Variants in STXBP5 observed in about 807,000 individuals in gnomAD.
STXBP5 encodes syntaxin binding protein 5.
A neutral mutation model predicts 152.4 loss-of-function variants in STXBP5; 50 were observed. The ratio of observed to expected loss-of-function variants is 0.33; its 90% CI spans 0.26 to 0.42. STXBP5 has a LOEUF of 0.42. STXBP5 is among the 10% of genes least tolerant of loss of function. STXBP5 has a pLI of 1.00. For synonymous variants in STXBP5, 492 were observed against 494.7 expected (o/e 0.99, Z 0.07); for missense variants, 1,167 against 1,388.6 (o/e 0.84, Z 2.54).
At chr6:147,274,606 CAT>C (rs940983295) in intron 7 of STXBP5, among the ~76,000 whole-genome samples, 1 of 151,992 alleles carries the variant, frequency 6.6e-6, no homozygotes, top group Non-Finnish European at 1.5e-5. Context: ...TGTAAGAAAT[CAT>C]ATGTGCTATA....
In STXBP5 at chr6:147,339,248, C is replaced by T. The variant is rs1274454058; in HGVS notation, c.2206+10C>T. On this transcript the variant is annotated intron_variant, in intron 20 of 27. Transcript: ENST00000321680. ...AATTTTATAGAAAAGGGTATAGTAT[C>T]TTGATTTTAAAGTATTTTCTTTTAT... The T allele has an allele frequency of 6.6e-7, 1 of 1,522,730 alleles. No individual in the cohort carries two copies. Among genetic ancestry groups the T allele is most frequent in the Non-Finnish European group, 8.8e-7 (1 of 1,135,476 alleles). The allele number at this position is 1,522,730 out of a possible 1,614,324, so 94.3% of individuals were successfully genotyped here. A position where few individuals can be genotyped will look rare whatever the true frequency, so the allele number is the denominator to read the frequency against.
intron 2 of STXBP5, among the ~76,000 whole-genome samples, chr6:147,227,694 G>T (rs1368906673): frequency 6.6e-6 from 1 of 151,962 alleles, no homozygotes; most frequent in Non-Finnish European, 1.5e-5. Flanking sequence ...TTCCATGTTT[G>T]TTTCCTTTTT....
intron 21 of STXBP5, among the ~76,000 whole-genome samples, chr6:147,352,554 T>C (rs914696092): frequency 2.0e-5 from 3 of 150,632 alleles, no homozygotes; most frequent in Non-Finnish European, 4.4e-5. Context: ...GAGGCTGCAG[T>C]GAACCGAGAT....
chr6:147,296,865 G>T (rs900825809), intron 9 of STXBP5, among the ~76,000 whole-genome samples: 1 of 151,988 alleles, frequency 6.6e-6, no homozygotes, highest in Admixed American at 6.6e-5. Context: ...TCAAGCAAAA[G>T]AAAGAATTTC....
chr6:147,218,483 GT>G (rs1031455582), intron 2 of STXBP5, among the ~76,000 whole-genome samples: 1 of 150,368 alleles, frequency 6.7e-6, no homozygotes, highest in Non-Finnish European at 1.5e-5. Flanking sequence ...ATGTTTTTTG[GT>G]TTTTTTTTCT....
At chr6:147,273,690 G>A (rs1329235450) in intron 7 of STXBP5, among the ~76,000 whole-genome samples, 3 of 152,128 alleles carry the variant, frequency 2.0e-5, no homozygotes, top group African/African-American at 7.2e-5. Context: ...GGTGGCTCAC[G>A]CCTGTAATCC....
chr6:147,337,977 G>A lies in STXBP5; in HGVS notation c.2147-1202G>A, dbSNP rs117859210. On this transcript the variant is annotated intron_variant, in intron 19 of 27. Transcript: ENST00000321680. ...GGACATTCACCACTTGACCAAGGGAGAGAAGTACAATTTTATTGGAGAGTG... is the reference window on the plus strand; with the variant it reads ...GGACATTCACCACTTGACCAAGGGAAAGAAGTACAATTTTATTGGAGAGTG... Among the ~76,000 whole-genome samples, 1,010 of 152,244 alleles carry A rather than the reference G, an allele frequency of 6.6e-3. 1 individual carries two copies. The highest frequency in any genetic ancestry group is 0.014 in the Middle Eastern group (4 of 294).
At chr6:147,380,645 GAA>G (rs372984184) in intron 26 of STXBP5, among the ~76,000 whole-genome samples, 2,533 of 145,494 alleles carry the variant, frequency 0.017, 61 homozygotes, top group African/African-American at 0.059. Flanking sequence ...GCAACCAAAG[GAA>G]AAAAAAAAGA....
intron 2 of STXBP5, among the ~76,000 whole-genome samples, chr6:147,213,102 G>C (rs1562411812): frequency 6.6e-6 from 1 of 152,132 alleles, no homozygotes; most frequent in East Asian, 1.9e-4. Context: ...TACTAAATTT[G>C]GTAATTGTAT....
chr6:147,347,642 C>T (rs961809178), intron 21 of STXBP5, among the ~76,000 whole-genome samples: 7 of 152,140 alleles, frequency 4.6e-5, no homozygotes, highest in Non-Finnish European at 7.4e-5. Context: ...CCTGATCTTT[C>T]GTAGCTGAGA....
chr6:147,264,748 A>G (rs1222421254), intron 6 of STXBP5, among the ~76,000 whole-genome samples: 2 of 152,110 alleles, frequency 1.3e-5, no homozygotes, highest in African/African-American at 4.8e-5. Flanking sequence ...AATTTTAATT[A>G]AGTACTCTAT....
rs1786392733 is a variant in STXBP5, at chr6:147,387,404, C to T, written c.*2649C>T. On this transcript the variant is annotated 3_prime_UTR_variant, in exon 28 of 28. Coordinates refer to ENST00000321680, the MANE Select transcript of STXBP5 (RefSeq NM_001127715.4). ...TCCTCATTGTTTTTGTTGCATTTGT[C>T]CTTGACTCTAAAATCACTGAAGTAT... is the stretch of plus-strand genomic sequence containing the variant. 2 of 151,338 alleles carry T rather than the reference C, an allele frequency of 1.3e-5. No individual in the cohort carries two copies. Among genetic ancestry groups the T allele is most frequent in the South Asian group, 4.2e-4 (2 of 4,816 alleles). 9.4% of individuals were successfully genotyped at this position (151,338 alleles called of 1,614,324 possible).
At chr6:147,285,062 A>G (rs563357784) in intron 8 of STXBP5, among the ~76,000 whole-genome samples, 1 of 152,190 alleles carries the variant, frequency 6.6e-6, no homozygotes, top group East Asian at 1.9e-4. Flanking sequence ...TAGGACTTAA[A>G]CCAATTATTT....
chr6:147,385,436 A>G lies in STXBP5; in HGVS notation c.*681A>G, dbSNP rs1363263609. 1.3e-5 allele frequency: 2 copies of G among 152,124 alleles called. No homozygotes were observed. Among genetic ancestry groups the G allele is most frequent in the Non-Finnish European group, 2.9e-5 (2 of 68,000 alleles). The allele number at this position is 152,124 out of a possible 1,614,324, so 9.4% of individuals were successfully genotyped here. ...TGTCAAAAGCAAAACAAGAAGATAC[A>G]TCACTTTTCATTGAAAAGAAAAGTG... On this transcript the variant is annotated 3_prime_UTR_variant, in exon 28 of 28. Transcript: ENST00000321680.
Position 147,388,872 on chromosome 6 carries a change from A to C in STXBP5, c.*4117A>C, listed in dbSNP as rs1240977446. On this transcript the variant is annotated 3_prime_UTR_variant, in exon 28 of 28. Coordinates refer to ENST00000321680, the MANE Select transcript of STXBP5 (RefSeq NM_001127715.4). The stretch of plus-strand genomic sequence containing the variant: ...TTTCTTCTACCTTTTTTAAAAATAA[A>C]TTTCCAAAAATGAAAACAGAGTTTA... The C allele has an allele frequency of 1.3e-5, 2 of 151,146 alleles. No homozygotes were observed. The highest frequency in any genetic ancestry group is 3.0e-5 in the Non-Finnish European group (2 of 67,546). 9.4% of individuals were successfully genotyped at this position (151,146 alleles called of 1,614,324 possible). A position where few individuals can be genotyped will look rare whatever the true frequency, so the allele number is the denominator to read the frequency against.
intron 21 of STXBP5, among the ~76,000 whole-genome samples, chr6:147,343,924 T>A (rs958787355): frequency 2.6e-5 from 4 of 152,176 alleles, no homozygotes; most frequent in African/African-American, 9.6e-5. Flanking sequence ...ATGCTCAGTT[T>A]GAAAGGGATG....
Position 147,363,622 on chromosome 6 carries a change from G to A in STXBP5, c.2833G>A (p.Val945Met). The A allele has an allele frequency of 6.2e-7, 1 of 1,614,140 alleles. No homozygotes were observed. The highest frequency in any genetic ancestry group is 8.5e-7 in the Non-Finnish European group (1 of 1,180,024). ...YKQNITETSF[V>M]LRGDIVALSN... is the part of the protein sequence containing the mutation. ...GCAAAATATTACAGAGACCTCGTTTGTGCTTCGTGGAGATATTGTAGCATT... is the reference window on the plus strand; with the variant it reads ...GCAAAATATTACAGAGACCTCGTTTATGCTTCGTGGAGATATTGTAGCATT... Residue 945 changes from valine (V) to methionine (M), a missense_variant, in exon 24 of 28, where the codon GTG (valine) becomes ATG (methionine). Val to Met is a conservative substitution (Grantham distance 21). Around this residue, in one of 3 missense-constraint regions of STXBP5, gnomAD observed 833 missense variants for 986.3 expected, o/e 0.84. Coordinates refer to ENST00000321680, the MANE Select transcript of STXBP5 (RefSeq NM_001127715.4).
intron 17 of STXBP5, among the ~76,000 whole-genome samples, chr6:147,326,737 C>G (rs1783277924): frequency 1.3e-5 from 2 of 152,166 alleles, no homozygotes; most frequent in South Asian, 4.1e-4. Flanking sequence ...CCAAAACTTA[C>G]CCCAAAGTAT....
chr6:147,303,304 A>C (rs771570032), intron 9 of STXBP5, among the ~76,000 whole-genome samples: 11 of 152,094 alleles, frequency 7.2e-5, no homozygotes, highest in Non-Finnish European at 1.3e-4. Flanking sequence ...ATAGAGAGTA[A>C]GTTCTCATGA....
Sources: gnomAD v4.1 joint callset for allele counts (sites outside exome capture counted in the v4.1 genomes callset) on GRCh38, gnomAD v4.1.1 for gene constraint, gnomAD v4.1.1 regional missense constraint, MANE v1.5 for transcripts, NCBI Gene and HGNC (gene_info 2026-07-23, HGNC 2026-07-21) for gene names.